Variants in CA7 observed in about 807,000 individuals in gnomAD.
CA7 encodes the protein carbonic anhydrase 7, also known as carbonate dehydratase VII.
A neutral mutation model predicts 31.4 loss-of-function variants in CA7; 13 were observed. The ratio of observed to expected loss-of-function variants is 0.41; its 90% CI spans 0.27 to 0.66. CA7 has a LOEUF of 0.66. Ranked by LOEUF, CA7 falls within the 30% of genes least tolerant of loss-of-function variation. The pLI, the probability that CA7 is intolerant of heterozygous loss-of-function variation, is 0.28. For missense variants in CA7, 215 were observed against 351.0 expected (o/e 0.61, Z 3.10); for synonymous variants, 128 against 133.2 (o/e 0.96, Z 0.27).
intron 1 of CA7, among the ~76,000 whole-genome samples, chr16:66,844,735 C>T (rs1326624435): frequency 6.6e-6 from 1 of 152,232 alleles, no homozygotes; most frequent in Non-Finnish European, 1.5e-5. Flanking sequence ...CCCCGGGTGG[C>T]CCCGCCGCCA....
rs577800538 is a variant in CA7 at position 66,844,586 on chromosome 16, C to T, written c.40+59C>T. ...GGACCCCCGACCCAACTGCACTCGC[C>T]CCAACCCTCTTGCCCAGCTGGTTTC... On this transcript the variant is annotated intron_variant, in intron 1 of 6. Coordinates refer to ENST00000338437, the MANE Select transcript of CA7 (RefSeq NM_005182.3). 1.8e-5 allele frequency: 25 copies of T among 1,416,042 alleles called. No homozygotes were observed. In the African/African-American group the frequency reaches 2.3e-4, roughly 13 times the overall value. 87.7% of individuals were successfully genotyped at this position (1,416,042 alleles called of 1,614,324 possible).
chr16:66,850,746 C>T (rs1009041352), intron 3 of CA7, 87 bp downstream of exon 3: 1 of 1,008,438 alleles, frequency 9.9e-7, no homozygotes, highest in Non-Finnish European at 1.6e-6. Context: ...TGCCTGGGGT[C>T]GGGCCTTGGA....
At chr16:66,846,772 T>A (rs1960936765) in intron 1 of CA7, among the ~76,000 whole-genome samples, 1 of 152,184 alleles carries the variant, frequency 6.6e-6, no homozygotes, top group Admixed American at 6.5e-5. Flanking sequence ...AGCTGTTATG[T>A]TCCCTTCCAT....
chr16:66,852,247 G>A (rs1263945098), intron 5 of CA7, among the ~76,000 whole-genome samples: 6 of 152,126 alleles, frequency 3.9e-5, no homozygotes, highest in Non-Finnish European at 7.3e-5. Flanking sequence ...CGGATCACTT[G>A]AGGTCAGGAG....
chr16:66,850,122 CAAAAA>C (rs4000640), intron 2 of CA7, among the ~76,000 whole-genome samples: 5 of 82,684 alleles, frequency 6.0e-5, no homozygotes, highest in African/African-American at 2.4e-4. Context: ...GACTCCATCT[CAAAAA>C]AAAAAAAAAA....
chr16:66,852,547 GAAGAAAGA>G (rs149116525), intron 5 of CA7, among the ~76,000 whole-genome samples, 157 bp from the exon 6 acceptor site: 32 of 135,004 alleles, frequency 2.4e-4, no homozygotes, highest in African/African-American at 5.6e-4. Flanking sequence ...AGGAAGGAAG[GAAGAAAGA>G]AAGAAAGAAA....
chr16:66,849,165 G>T (rs1185393205), intron 2 of CA7, among the ~76,000 whole-genome samples: 1 of 152,188 alleles, frequency 6.6e-6, no homozygotes, highest in Non-Finnish European at 1.5e-5. Context: ...CTTTCAGCTG[G>T]AAATTCTATC....
In CA7 at chr16:66,853,245, G is replaced by C; in HGVS notation, c.673-131G>C. ...AGAGAAAAATGAGTGGGGAAGAGTAGGGACAGACCCTAAGGGAAGGAGGAG... is the reference window on the plus strand; with the variant it reads ...AGAGAAAAATGAGTGGGGAAGAGTACGGACAGACCCTAAGGGAAGGAGGAG... On this transcript the variant is annotated intron_variant, in intron 6 of 6. Coordinates refer to ENST00000338437, the MANE Select transcript of CA7 (RefSeq NM_005182.3). The surrounding 1 kb of genome is among the most constrained non-coding windows in gnomAD (Gnocchi z 4.5). The C allele has an allele frequency of 8.9e-7, 1 of 1,128,448 alleles. No homozygotes were observed. The highest frequency in any genetic ancestry group is 2.2e-5 in the Admixed American group (1 of 46,124). 69.9% of individuals were successfully genotyped at this position (1,128,448 alleles called of 1,614,324 possible). A position where few individuals can be genotyped will look rare whatever the true frequency, so the allele number is the denominator to read the frequency against.
At chr16:66,851,320 C>A (rs1362882953) in intron 3 of CA7, 143 bp from the exon 4 acceptor site, 1 of 765,738 alleles carries the variant, frequency 1.3e-6, no homozygotes, top group Non-Finnish European at 2.3e-6. Context: ...CCCCTGGACC[C>A]CCCAGCATCC....
At chr16:66,852,572 G>T in intron 5 of CA7, 140 bp from the exon 6 acceptor site, 1 of 536,176 alleles carries the variant, frequency 1.9e-6, no homozygotes, top group Non-Finnish European at 2.8e-6. Context: ...GAAAGAAAAA[G>T]AAAGAAAAGA....
intron 5 of CA7, 38 bp from the exon 6 acceptor site, chr16:66,852,674 G>A: frequency 6.3e-7 from 1 of 1,578,582 alleles, no homozygotes; most frequent in East Asian, 2.3e-5. Flanking sequence ...CCAGTGGGAG[G>A]TCTATGCTGA....
intron 3 of CA7, among the ~76,000 whole-genome samples, chr16:66,851,075 T>G (rs552695697): frequency 9.8e-5 from 15 of 152,356 alleles, no homozygotes; most frequent in Middle Eastern, 3.4e-3. Flanking sequence ...TGCTGTTCTC[T>G]CTGCCTGGAA....
chr16:66,846,228 C>T (rs933353018), intron 1 of CA7, among the ~76,000 whole-genome samples: 1 of 150,966 alleles, frequency 6.6e-6, no homozygotes, highest in African/African-American at 2.4e-5. Flanking sequence ...TTGCTGTGGT[C>T]CTTTATGCAA....
At chr16:66,852,084 G>A (rs1287858723) in intron 5 of CA7, among the ~76,000 whole-genome samples, 1 of 152,168 alleles carries the variant, frequency 6.6e-6, no homozygotes, top group Admixed American at 6.5e-5. Context: ...CCCGGCTCAG[G>A]CTGGAAGATG....
At position 66,844,451 on chromosome 16, in the gene CA7, G is replaced by A. The variant is rs1489416075; in HGVS notation, c.-37G>A. The A allele has an allele frequency of 1.7e-5, 26 of 1,526,796 alleles. No individual in the cohort carries two copies. Among genetic ancestry groups the A allele is most frequent in the East Asian group, 2.6e-5 (1 of 39,022 alleles). 94.6% of individuals were successfully genotyped at this position (1,526,796 alleles called of 1,614,324 possible). On this transcript the variant is annotated 5_prime_UTR_variant, in exon 1 of 7. Transcript: ENST00000338437. Reference sequence around the variant, plus strand: ...GCAGCCCGAACGAGCGGACCGAGCCGACCGGGCAGGTGCACGGCTGCGGGG... The same window carrying A: ...GCAGCCCGAACGAGCGGACCGAGCCAACCGGGCAGGTGCACGGCTGCGGGG...
chr16:66,846,554 C>T (rs1960932725), intron 1 of CA7, among the ~76,000 whole-genome samples: 1 of 152,150 alleles, frequency 6.6e-6, no homozygotes, highest in East Asian at 1.9e-4. Context: ...GTTTCTATTT[C>T]ACAAGGTGGT....
In CA7 at chr16:66,847,037, G is replaced by A. The variant is rs781369944; in HGVS notation, c.48G>A (p.Ser16=). The A allele has an allele frequency of 1.9e-5, 31 of 1,613,950 alleles. No individual in the cohort carries two copies. The highest frequency in any genetic ancestry group is 5.0e-5 in the Admixed American group (3 of 59,990). ...CCTCCTCCCCACCTGCAGGCCCCTC[G>A]CATTGGCACAAGCTGTATCCCATTG... is the stretch of plus-strand genomic sequence containing the variant. ...GWGYGQDDGP[S]HWHKLYPIAQ... is the part of the protein sequence containing the mutation. The change falls in exon 2 of 7, where the codon TCG becomes TCA. Residue 16 remains serine (S), a synonymous_variant. Coordinates refer to ENST00000338437, the MANE Select transcript of CA7 (RefSeq NM_005182.3).
At chr16:66,852,992 C>T (rs1961097505) in intron 6 of CA7, 125 bp downstream of exon 6, 1 of 819,552 alleles carries the variant, frequency 1.2e-6, no homozygotes, top group Non-Finnish European at 1.8e-6. Flanking sequence ...CCATTTTTTA[C>T]TAATAAATGT....
In CA7 at chr16:66,851,534, G is replaced by A. The variant is rs1432261332; in HGVS notation, c.429G>A (p.Leu143=). 2.5e-6 allele frequency: 4 copies of A among 1,614,142 alleles called. No homozygotes were observed. The South Asian group carries it at 4.4e-5, about 18-fold the overall frequency. The change falls in exon 4 of 7, where the codon CTG becomes CTA. Residue 143 remains leucine (L), a synonymous_variant. Coordinates refer to ENST00000338437, the MANE Select transcript of CA7 (RefSeq NM_005182.3). ...AGGCGGCCTCAGCACCTGATGGCCT[G>A]GCTGTGGTTGGTGTTTTTTTGGAGG... ...FGEAASAPDG[L]AVVGVFLETG... is the part of the protein sequence containing the mutation.
Sources: gnomAD v4.1 joint callset for allele counts (sites outside exome capture counted in the v4.1 genomes callset) on GRCh38, gnomAD v4.1.1 for gene constraint, Gnocchi (gnomAD v3.1) non-coding constraint, MANE v1.5 for transcripts, NCBI Gene and HGNC (gene_info 2026-07-23, HGNC 2026-07-21) for gene names.